The following RBFOX1 variants were observed in gnomAD, a reference collection of about 807,000 sequenced individuals.
RBFOX1 encodes RNA binding fox-1 homolog 1.
Under a neutral mutation model 57.7 loss-of-function variants are expected in RBFOX1, and 8 were observed. That is an observed-to-expected ratio of 0.14 (90% confidence interval 0.08 to 0.25). RBFOX1 has a LOEUF of 0.25. Ranked by LOEUF, RBFOX1 falls within the 10% of genes least tolerant of loss-of-function variation. The pLI is 1.00. For missense variants in RBFOX1, 611 were observed against 548.5 expected, an observed-to-expected ratio of 1.11 and a Z score of -1.14; for synonymous variants, 326 against 222.4, an observed-to-expected ratio of 1.47 and a Z score of -4.15.
intron 6 of RBFOX1, among the ~76,000 whole-genome samples, chr16:7,586,665 C>A (rs566856638): frequency 6.6e-6 from 1 of 152,196 alleles, no homozygotes; most frequent in African/African-American, 2.4e-5. Flanking sequence ...ATTTGTTTAA[C>A]AATGTGGAGA....
intron 4 of RBFOX1, among the ~76,000 whole-genome samples, chr16:7,124,355 A>C (rs895290465): frequency 6.6e-6 from 1 of 152,172 alleles, no homozygotes; most frequent in African/African-American, 2.4e-5. Flanking sequence ...TTGAGGCTGC[A>C]GTAAGCCAAG....
chr16:7,121,856 A>G (rs2151818497), intron 4 of RBFOX1, among the ~76,000 whole-genome samples: 1 of 152,158 alleles, frequency 6.6e-6, no homozygotes, highest in South Asian at 2.1e-4. Flanking sequence ...GACAAAATAG[A>G]GACTCCAGAA....
intron 4 of RBFOX1, among the ~76,000 whole-genome samples, chr16:7,499,215 C>T (rs747714186): frequency 4.6e-5 from 7 of 152,154 alleles, no homozygotes; most frequent in African/African-American, 7.2e-5. Flanking sequence ...ATGCTGCTCT[C>T]CTATCTTCTG....
At chr16:6,565,128 A>G (rs1476664550) in intron 2 of RBFOX1, among the ~76,000 whole-genome samples, 2 of 42,710 alleles carry the variant, frequency 4.7e-5, no homozygotes, top group East Asian at 1.5e-3. Flanking sequence ...TCTGTCTCCA[A>G]AAAAAAAAAA....
intron 1 of RBFOX1, among the ~76,000 whole-genome samples, chr16:6,063,049 T>C (rs1328541961): frequency 6.6e-6 from 1 of 152,168 alleles, no homozygotes; most frequent in Non-Finnish European, 1.5e-5. Flanking sequence ...CAGTCAGCTG[T>C]GATGATAGAT....
intron 3 of RBFOX1, among the ~76,000 whole-genome samples, chr16:6,777,338 G>C (rs2079546468): frequency 6.6e-6 from 1 of 152,126 alleles, no homozygotes; most frequent in African/African-American, 2.4e-5. Flanking sequence ...TATACCTAGT[G>C]GATGATGTTT....
intron 2 of RBFOX1, among the ~76,000 whole-genome samples, chr16:5,501,748 C>G (rs968495721): frequency 1.3e-5 from 2 of 152,244 alleles, no homozygotes; most frequent in South Asian, 4.2e-4. Context: ...AGATCTTGCT[C>G]TGTCACCCAG....
chr16:7,364,374 A>G (rs992752615), intron 4 of RBFOX1, among the ~76,000 whole-genome samples: 4 of 152,088 alleles, frequency 2.6e-5, no homozygotes, highest in African/African-American at 9.7e-5. Flanking sequence ...AGGAAAAAAA[A>G]TGACTACATT....
At chr16:6,814,570 G>C (rs566665406) in intron 3 of RBFOX1, among the ~76,000 whole-genome samples, 1 of 152,240 alleles carries the variant, frequency 6.6e-6, no homozygotes, top group East Asian at 1.9e-4. Context: ...ACACTGATGA[G>C]CATGATAGAT....
intron 4 of RBFOX1, among the ~76,000 whole-genome samples, chr16:5,965,160 C>T (rs1412094437): frequency 6.6e-6 from 1 of 152,086 alleles, no homozygotes; most frequent in African/African-American, 2.4e-5. Flanking sequence ...AGATGCTAGC[C>T]ACTCTGTTTA....
rs1378776762 is a variant in RBFOX1, at chr16:6,954,868, A to G, written c.-15-97189A>G. On this transcript the variant is annotated intron_variant, in intron 3 of 15. Coordinates refer to ENST00000550418, the MANE Select transcript of RBFOX1 (RefSeq NM_018723.4). ...ACCTTGGGCAAGTTGCCTTTTTTCT[A>G]TCAATTCATGTGTCCTCAAATAAAG... Among the ~76,000 whole-genome samples, 5 of 152,210 alleles carry G rather than the reference A, an allele frequency of 3.3e-5. No individual in the cohort carries two copies. The East Asian group carries it at 7.7e-4, about 23-fold the overall frequency.
chr16:7,261,149 A>G (rs936538564), intron 4 of RBFOX1, among the ~76,000 whole-genome samples: 1 of 152,176 alleles, frequency 6.6e-6, no homozygotes, highest in African/African-American at 2.4e-5. Flanking sequence ...GAGCCAACCC[A>G]CTAGAGCTCC....
chr16:6,396,691 A>G (rs1476789833), intron 2 of RBFOX1, among the ~76,000 whole-genome samples: 1 of 152,192 alleles, frequency 6.6e-6, no homozygotes, highest in African/African-American at 2.4e-5. Context: ...ATTCAGCCTC[A>G]TTAATATATT....
intron 3 of RBFOX1, among the ~76,000 whole-genome samples, chr16:5,606,179 A>G (rs1369233501): frequency 6.6e-6 from 1 of 152,064 alleles, no homozygotes; most frequent in Non-Finnish European, 1.5e-5. Context: ...AGGTCCTGTG[A>G]TTTCATACTT....
In RBFOX1 at chr16:7,007,455, C is replaced by G. The variant is rs144321785; in HGVS notation, c.-15-44602C>G. ...TCATCTCCGTATTTTTAGGTGCATA[C>G]TTTTGATAACATCTAGAAAATCCTA... is the stretch of plus-strand genomic sequence containing the variant. On this transcript the variant is annotated intron_variant, in intron 3 of 15. Coordinates refer to ENST00000550418, the MANE Select transcript of RBFOX1 (RefSeq NM_018723.4). Among the ~76,000 whole-genome samples the G allele has an allele frequency of 2.6e-3, 399 of 152,246 alleles. 5 individuals are homozygous for G. The highest frequency in any genetic ancestry group is 8.5e-3 in the African/African-American group (353 of 41,524).
intron 3 of RBFOX1, among the ~76,000 whole-genome samples, chr16:5,611,833 C>T (rs1015500775): frequency 4.0e-4 from 55 of 138,532 alleles, no homozygotes; most frequent in Admixed American, 7.5e-5. Context: ...CATCTACTCT[C>T]CCGTCACTCA....
chr16:6,839,894 G>T (rs190619387), intron 3 of RBFOX1, among the ~76,000 whole-genome samples: 5 of 152,068 alleles, frequency 3.3e-5, no homozygotes, highest in Non-Finnish European at 4.4e-5. Context: ...CCATTCTCTC[G>T]ATTTCTTAAC....
chr16:6,653,823 G>A (rs59074770), intron 2 of RBFOX1, among the ~76,000 whole-genome samples: 2 of 151,674 alleles, frequency 1.3e-5, no homozygotes, highest in Non-Finnish European at 2.9e-5. Context: ...AATGGGAGAA[G>A]GATGCAGGAT....
In RBFOX1 at chr16:5,599,191, GT is replaced by G; in HGVS notation, c.549del (p.Pro184LeufsTer2). On this transcript the variant is annotated frameshift_variant, in exon 3 of 3. Coordinates refer to the RBFOX1 transcript ENST00000585867. LOFTEE classifies it low-confidence loss of function (END_TRUNC). ...GTACATGGTGTGAGAGCTGTATTCT[GT>G]CCTCTAAAAAAGACCAGGCCCACTT... 1 of 704,130 alleles carries G rather than the reference GT, an allele frequency of 1.4e-6. No homozygotes were observed. The highest frequency in any genetic ancestry group is 2.6e-6 in the Non-Finnish European group (1 of 386,526). The allele number at this position is 704,130 out of a possible 1,614,324, so 43.6% of individuals were successfully genotyped here.
Sources: gnomAD v4.1 joint callset for allele counts (sites outside exome capture counted in the v4.1 genomes callset) on GRCh38, gnomAD v4.1.1 for gene constraint, MANE v1.5 for transcripts, NCBI Gene and HGNC (gene_info 2026-07-23, HGNC 2026-07-21) for gene names.